Variants in CHRM5 observed in about 807,000 individuals in gnomAD.
CHRM5 encodes cholinergic receptor muscarinic 5.
In CHRM5, 18 loss-of-function variants were observed where a neutral mutation model predicts 39.0. The observed-to-expected ratio is 0.46, with a 90% CI of 0.32 to 0.68. CHRM5 has a LOEUF of 0.68. CHRM5 is among the 30% of genes least tolerant of loss of function. The pLI is 0.04. For missense variants in CHRM5, 515 were observed against 651.1 expected (o/e 0.79, Z 2.28); for synonymous variants, 241 against 246.3 (o/e 0.98, Z 0.20).
At chr15:34,047,002 G>A (rs1388761977) in intron 2 of CHRM5, 131 bp downstream of exon 2, 5 of 152,164 alleles carry the variant, frequency 3.3e-5, no homozygotes, top group Non-Finnish European at 5.9e-5. Flanking sequence ...GCTGTGCGGA[G>A]TTTCAGCAGA....
chr15:34,045,197 C>T (rs760832271), intron 1 of CHRM5, among the ~76,000 whole-genome samples: 8 of 152,178 alleles, frequency 5.3e-5, no homozygotes, highest in Non-Finnish European at 1.0e-4. Context: ...AGTTCAAGGA[C>T]TATCGTATAT....
At position 34,065,778 on chromosome 15, in the gene CHRM5, T is replaced by G. The variant is rs1056848509; in HGVS notation, c.*1462T>G. 6.6e-6 allele frequency: 1 copy of G among 152,204 alleles called. No homozygotes were observed. Among genetic ancestry groups the G allele is most frequent in the Non-Finnish European group, 1.5e-5 (1 of 68,038 alleles). 9.4% of individuals were successfully genotyped at this position (152,204 alleles called of 1,614,324 possible). On this transcript the variant is annotated 3_prime_UTR_variant, in exon 3 of 3. Coordinates refer to ENST00000383263, the MANE Select transcript of CHRM5 (RefSeq NM_012125.4). Reference sequence around the variant, plus strand: ...ACAAAAGTCCACAAAGAAGCAGTAGTGTGGTACACAGCAAGGATTTTAAAG... The same window carrying G: ...ACAAAAGTCCACAAAGAAGCAGTAGGGTGGTACACAGCAAGGATTTTAAAG...
chr15:34,063,434 T>A lies in CHRM5; in HGVS notation c.717T>A (p.Ala239=). 4 of 1,613,890 alleles carry A rather than the reference T, an allele frequency of 2.5e-6. No individual in the cohort carries two copies. The highest frequency in any genetic ancestry group is 3.4e-6 in the Non-Finnish European group (4 of 1,180,030). ...DLQGSDSVTK[A]EKRKPAHRAL... The stretch of plus-strand genomic sequence containing the variant: ...AGGGTTCTGACTCTGTGACCAAAGC[T>A]GAGAAGAGAAAGCCAGCTCATAGGG... Residue 239 remains alanine, a synonymous_variant, in exon 3 of 3, where the codon GCT becomes GCA. Coordinates refer to ENST00000383263, the MANE Select transcript of CHRM5 (RefSeq NM_012125.4). This position sits in a 1 kb window ranked among gnomAD's most constrained non-coding sequence, Gnocchi z 4.1.
At chr15:34,053,319 A>AAATATATATATATATATAT in intron 2 of CHRM5, among the ~76,000 whole-genome samples, 1 of 42,070 alleles carries the variant, frequency 2.4e-5, no homozygotes, top group African/African-American at 8.0e-5. Flanking sequence ...AAAAAAAAAA[A>AAATATATATATATATATAT]ATATATATAT....
At chr15:34,021,535 C>T (rs1218010594) in intron 1 of CHRM5, among the ~76,000 whole-genome samples, 1 of 152,096 alleles carries the variant, frequency 6.6e-6, no homozygotes, top group African/African-American at 2.4e-5. Context: ...GCCACCGCGC[C>T]TGGCTTATTT....
chr15:34,036,737 TA>T, intron 1 of CHRM5, among the ~76,000 whole-genome samples: 1 of 152,324 alleles, frequency 6.6e-6, no homozygotes, highest in Middle Eastern at 3.4e-3. Flanking sequence ...AGAAAAAGCC[TA>T]AAATTTTAAC....
intron 1 of CHRM5, among the ~76,000 whole-genome samples, chr15:34,034,352 G>A (rs1443526097): frequency 1.3e-5 from 2 of 151,418 alleles, no homozygotes; most frequent in East Asian, 1.9e-4. Flanking sequence ...GAGATGGGAG[G>A]ATCCCTTGAG....
At chr15:34,003,035 C>T (rs1166233623) in intron 1 of CHRM5, 2 of 1,611,614 alleles carry the variant, frequency 1.2e-6, no homozygotes, top group Non-Finnish European at 1.7e-6. Flanking sequence ...TTCATACCTG[C>T]AGAGCTAAGG....
chr15:34,036,869 G>C (rs2140785714), intron 1 of CHRM5, among the ~76,000 whole-genome samples: 1 of 152,252 alleles, frequency 6.6e-6, no homozygotes, highest in African/African-American at 2.4e-5. Flanking sequence ...CAGCACCTTG[G>C]GAGGCCGAGG....
intron 1 of CHRM5, among the ~76,000 whole-genome samples, chr15:33,975,030 T>C (rs898590593): frequency 2.0e-5 from 3 of 152,160 alleles, no homozygotes; most frequent in Non-Finnish European, 4.4e-5. Context: ...TTTTTAGCCA[T>C]GTTCCTTCTT....
At chr15:33,979,247 C>A (rs1160535656) in intron 1 of CHRM5, among the ~76,000 whole-genome samples, 2 of 152,116 alleles carry the variant, frequency 1.3e-5, no homozygotes, top group South Asian at 4.1e-4. Flanking sequence ...GTTGGCCAGG[C>A]ACGGTGTCCC....
At position 34,064,125 on chromosome 15, in the gene CHRM5, A is replaced by C. The variant is rs770570610; in HGVS notation, c.1408A>C (p.Lys470Gln). 6.2e-7 allele frequency: 1 copy of C among 1,614,152 alleles called. No homozygotes were observed. The highest frequency in any genetic ancestry group is 8.5e-7 in the Non-Finnish European group (1 of 1,180,020). The change falls in exon 3 of 3, where the codon AAG (lysine) becomes CAG (glutamine). Residue 470 changes from lysine to glutamine, a missense_variant. By Grantham distance (53) the Lys-to-Gln change is moderately conservative. Transcript: ENST00000383263. ...GGTCCTGGTTTCTACCTTCTGTGAC[A>C]AGTGTGTCCCAGTCACCCTGTGGCA... ...IMVLVSTFCD[K>Q]CVPVTLWHLG...
At chr15:33,982,387 T>C (rs1213395674) in intron 1 of CHRM5, among the ~76,000 whole-genome samples, 1 of 152,006 alleles carries the variant, frequency 6.6e-6, no homozygotes, top group Non-Finnish European at 1.5e-5. Context: ...AATTACCAAA[T>C]GCTATGCTCT....
chr15:34,028,152 A>T (rs1872807), intron 1 of CHRM5, among the ~76,000 whole-genome samples: 23,480 of 152,124 alleles, frequency 0.15, 2,682 homozygotes, highest in African/African-American at 0.32. Context: ...CATTTAAAAA[A>T]TTTTTTAATG....
chr15:34,031,211 G>A lies in CHRM5; in HGVS notation c.-407-15329G>A, dbSNP rs536832972. 6.3e-5 allele frequency among the ~76,000 whole-genome samples: 4 copies of A among 63,182 alleles called. No homozygotes were observed. In the East Asian group the frequency reaches 1.4e-3, roughly 22 times the overall value. The allele number at this position is 63,182 out of a possible 152,430, so 41.4% of individuals were successfully genotyped here. ...TTTTTTGAGACTGAGTTTTGCTCTT[G>A]TTGCCCAGGCTGGAATGCAATGGCG... is the stretch of plus-strand genomic sequence containing the variant. On this transcript the variant is annotated intron_variant, in intron 1 of 2. Coordinates refer to ENST00000383263, the MANE Select transcript of CHRM5 (RefSeq NM_012125.4).
chr15:34,038,778 A>G, intron 1 of CHRM5: 1 of 1,173,858 alleles, frequency 8.5e-7, no homozygotes, highest in Non-Finnish European at 1.0e-6. Context: ...GTCGCCTCTT[A>G]CCGGCGCGCT....
intron 1 of CHRM5, chr15:34,007,117 C>T (rs1897388741): frequency 1.1e-6 from 1 of 922,974 alleles, no homozygotes; most frequent in African/African-American, 1.8e-5. Flanking sequence ...AGCTGAAGAC[C>T]TATTATATAA....
chr15:34,002,802 C>G (rs902255668), intron 1 of CHRM5, among the ~76,000 whole-genome samples: 1 of 152,172 alleles, frequency 6.6e-6, no homozygotes, highest in Non-Finnish European at 1.5e-5. Context: ...AGCCTTTTAT[C>G]TATCGCAAAG....
chr15:34,064,301 C>G lies in CHRM5; in HGVS notation c.1584C>G (p.Asn528Lys), dbSNP rs750778878. The part of the protein sequence containing the change: ...KVEEKLYWQG[N>K]SKLP ...AAGAGAAGTTGTACTGGCAGGGGAACAGCAAGCTACCCTGAAAAGTCAACA... is the reference window on the plus strand; with the variant it reads ...AAGAGAAGTTGTACTGGCAGGGGAAGAGCAAGCTACCCTGAAAAGTCAACA... The change falls in exon 3 of 3, where the codon AAC becomes AAG. Residue 528 changes from asparagine to lysine, a missense_variant. Asn to Lys is a moderately conservative substitution (Grantham distance 94, BLOSUM62 0). Transcript: ENST00000383263. 6.2e-7 allele frequency: 1 copy of G among 1,612,448 alleles called. No individual in the cohort carries two copies. The highest frequency in any genetic ancestry group is 1.1e-5 in the South Asian group (1 of 90,802).
Sources: gnomAD v4.1 joint callset for allele counts (sites outside exome capture counted in the v4.1 genomes callset) on GRCh38, gnomAD v4.1.1 for gene constraint, Gnocchi (gnomAD v3.1) non-coding constraint, MANE v1.5 for transcripts, NCBI Gene and HGNC (gene_info 2026-07-23, HGNC 2026-07-21) for gene names.